The following SHLD1 variants were observed in gnomAD, a reference collection of about 807,000 sequenced individuals.
SHLD1 encodes the protein RINN1-REV7-interacting novel NHEJ regulator 3.
A neutral mutation model predicts 5.5 loss-of-function variants in SHLD1; 3 were observed. The ratio of observed to expected loss-of-function variants is 0.54; its 90% CI spans 0.25 to 1.40. The LOEUF is 1.40. SHLD1 is among the 40% of genes most tolerant of loss of function. SHLD1 has a pLI of 0.15. For missense variants in SHLD1, 210 were observed against 244.4 expected, an observed-to-expected ratio of 0.86 and a Z score of 0.94; for synonymous variants, 92 against 94.3, an observed-to-expected ratio of 0.98 and a Z score of 0.14.
chr20:5,832,104 C>A (rs943425978), intron 2 of SHLD1, among the ~76,000 whole-genome samples: 1 of 152,210 alleles, frequency 6.6e-6, no homozygotes. Flanking sequence ...CTGCGCCCAG[C>A]AAATTTTTGT....
At chr20:5,847,544 C>T (rs1028927016) in intron 2 of SHLD1, among the ~76,000 whole-genome samples, 2 of 151,678 alleles carry the variant, frequency 1.3e-5, no homozygotes, top group African/African-American at 4.9e-5. Context: ...ATTTTGTATG[C>T]CATTAAAAAG....
At chr20:5,775,923 ATTT>A (rs533313849) in intron 2 of SHLD1, among the ~76,000 whole-genome samples, 4 of 77,664 alleles carry the variant, frequency 5.2e-5, no homozygotes, top group African/African-American at 1.2e-4. Context: ...TCAGCTCAGG[ATTT>A]TTTTTTTTTT....
At chr20:5,836,161 CAT>C (rs938120961) in intron 2 of SHLD1, among the ~76,000 whole-genome samples, 5 of 151,234 alleles carry the variant, frequency 3.3e-5, no homozygotes, top group South Asian at 4.2e-4. Flanking sequence ...TGAGCTGAGA[CAT>C]GTGTACAGAT....
At chr20:5,794,784 A>G (rs1464369483) in intron 2 of SHLD1, among the ~76,000 whole-genome samples, 1 of 152,180 alleles carries the variant, frequency 6.6e-6, no homozygotes, top group African/African-American at 2.4e-5. Context: ...TTAGACGTCT[A>G]ATCAGTGAAA....
chr20:5,799,627 G>A (rs4815862), intron 2 of SHLD1, among the ~76,000 whole-genome samples: 129,369 of 151,934 alleles, frequency 0.85, 55,317 homozygotes, highest in East Asian at 1. Flanking sequence ...TGTTATCACA[G>A]GCCAGCTCAA....
chr20:5,772,157 T>C (rs1474273109), intron 1 of SHLD1: 3 of 453,844 alleles, frequency 6.6e-6, no homozygotes, highest in Non-Finnish European at 1.3e-5. Context: ...ATTACAGGTA[T>C]GAGCCAGTGT....
rs1409901208 is a variant in SHLD1 at position 5,864,075 on chromosome 20, T to C, written c.*612T>C. ...GTCATTGAGAATACATGTCCTAAAA[T>C]AATATAAAGATTGAAATACAGTTGA... On this transcript the variant is annotated 3_prime_UTR_variant, in exon 3 of 3. Coordinates refer to ENST00000303142, the MANE Select transcript of SHLD1 (RefSeq NM_152504.4). 6.6e-6 allele frequency among the ~76,000 whole-genome samples: 1 copy of C among 152,128 alleles called. No individual in the cohort carries two copies. Among genetic ancestry groups the C allele is most frequent in the Non-Finnish European group, 1.5e-5 (1 of 68,026 alleles).
At chr20:5,860,593 T>G (rs1777347) in intron 2 of SHLD1, among the ~76,000 whole-genome samples, 92,085 of 151,646 alleles carry the variant, frequency 0.61, 28,545 homozygotes, top group African/African-American at 0.71. Flanking sequence ...TTAAAAAAAG[T>G]TTTTTTTTGC....
chr20:5,807,836 G>C (rs1164954864), intron 2 of SHLD1, among the ~76,000 whole-genome samples: 2 of 152,134 alleles, frequency 1.3e-5, no homozygotes, highest in African/African-American at 4.8e-5. Context: ...TAGACTTACT[G>C]CTACTAGTCT....
At chr20:5,857,574 C>CGA (rs1014172376) in intron 2 of SHLD1, among the ~76,000 whole-genome samples, 1 of 152,046 alleles carries the variant, frequency 6.6e-6, no homozygotes, top group South Asian at 2.1e-4. Flanking sequence ...TTTGGGAGGC[C>CGA]GAGGCGGGCA....
intron 2 of SHLD1, among the ~76,000 whole-genome samples, chr20:5,819,800 T>A (rs2087584249): frequency 6.6e-6 from 1 of 152,342 alleles, no homozygotes; most frequent in Non-Finnish European, 1.5e-5. Context: ...CCAGCCTGAA[T>A]GACAGCGTGA....
chr20:5,828,016 G>A (rs1259258319), intron 2 of SHLD1, among the ~76,000 whole-genome samples: 2 of 152,162 alleles, frequency 1.3e-5, no homozygotes, highest in Non-Finnish European at 2.9e-5. Context: ...GCAAAGATAC[G>A]ATGAATATCA....
intron 2 of SHLD1, among the ~76,000 whole-genome samples, chr20:5,848,311 G>A (rs1568530301): frequency 6.6e-6 from 1 of 152,124 alleles, no homozygotes; most frequent in African/African-American, 2.4e-5. Context: ...AGGCCGAGGC[G>A]GGCAGATCAC....
chr20:5,790,706 G>A (rs1213004448), intron 2 of SHLD1, among the ~76,000 whole-genome samples: 17 of 151,872 alleles, frequency 1.1e-4, no homozygotes, highest in African/African-American at 4.1e-4. Context: ...CACCCACCTT[G>A]GCCTCCCAAA....
In SHLD1 at chr20:5,752,618, T is replaced by C. The variant is rs143532452; in HGVS notation, c.-5+2139T>C. 6.8e-3 allele frequency among the ~76,000 whole-genome samples: 625 copies of C among 91,820 alleles called. 16 individuals carry two copies. Among genetic ancestry groups the C allele is most frequent in the Admixed American group, 0.057 (579 of 10,122 alleles). The allele number at this position is 91,820 out of a possible 152,430, so 60.2% of individuals were successfully genotyped here. A position where few individuals can be genotyped will look rare whatever the true frequency, so the allele number is the denominator to read the frequency against. Reference sequence around the variant, plus strand: ...TGTCAAAGAAATATATTTTGGGGTTTTTTTTTTTTTTTTTTGAGGCAGAGT... The same window carrying C: ...TGTCAAAGAAATATATTTTGGGGTTCTTTTTTTTTTTTTTTGAGGCAGAGT... On this transcript the variant is annotated intron_variant, in intron 1 of 2. Coordinates refer to ENST00000303142, the MANE Select transcript of SHLD1 (RefSeq NM_152504.4).
chr20:5,861,701 A>T (rs546434826), intron 2 of SHLD1, among the ~76,000 whole-genome samples: 1 of 152,322 alleles, frequency 6.6e-6, no homozygotes, highest in South Asian at 2.1e-4. Context: ...CTTGTCCAAG[A>T]TGTCATTTCC....
chr20:5,797,324 C>T (rs2087227092), intron 2 of SHLD1, among the ~76,000 whole-genome samples: 1 of 151,942 alleles, frequency 6.6e-6, no homozygotes, highest in African/African-American at 2.4e-5. Flanking sequence ...ACTTTGGGAG[C>T]CTGAGTTAGG....
At chr20:5,814,654 CTTTTTTTTT>C (rs148119460) in intron 2 of SHLD1, among the ~76,000 whole-genome samples, 2 of 103,810 alleles carry the variant, frequency 1.9e-5, no homozygotes, top group Non-Finnish European at 3.8e-5. Context: ...TTTTCTTCTT[CTTTTTTTTT>C]TTTTTTTTTT....
intron 2 of SHLD1, among the ~76,000 whole-genome samples, chr20:5,780,687 A>T (rs1489431624): frequency 6.6e-6 from 1 of 152,226 alleles, no homozygotes; most frequent in Non-Finnish European, 1.5e-5. Flanking sequence ...CCATGGGCCT[A>T]TCCCTGCCCT....
Sources: allele counts gnomAD v4.1 joint callset (sites outside exome capture counted in the v4.1 genomes callset), GRCh38; gene constraint gnomAD v4.1.1; transcripts MANE v1.5; gene names NCBI Gene and HGNC (gene_info 2026-07-23, HGNC 2026-07-21).